The following RBFOX1 variants were observed in gnomAD, a reference collection of about 807,000 sequenced individuals.
The protein encoded by RBFOX1 is RNA binding fox-1 homolog 1.
Under a neutral mutation model 57.7 loss-of-function variants are expected in RBFOX1, and 8 were observed. That is an observed-to-expected ratio of 0.14 (90% CI 0.08 to 0.25). The LOEUF (loss-of-function observed/expected upper bound fraction) is 0.25, where lower values mean the gene tolerates loss of function less well. Ranked by LOEUF, RBFOX1 falls within the 10% of genes least tolerant of loss-of-function variation. RBFOX1 has a pLI of 1.00. For synonymous variants in RBFOX1, 326 were observed against 222.4 expected (o/e 1.47, Z -4.15); for missense variants, 611 against 548.5 (o/e 1.11, Z -1.14).
chr16:5,810,395 A>G (rs570651735), intron 3 of RBFOX1, among the ~76,000 whole-genome samples: 4 of 152,296 alleles, frequency 2.6e-5, no homozygotes, highest in African/African-American at 9.6e-5. Flanking sequence ...GAATAAACCA[A>G]TCTTGCTGAC....
At chr16:6,211,927 G>A (rs1405368890) in intron 1 of RBFOX1, among the ~76,000 whole-genome samples, 1 of 151,842 alleles carries the variant, frequency 6.6e-6, no homozygotes, top group African/African-American at 2.4e-5. Flanking sequence ...TCAGCTCACT[G>A]CAACCTCTGC....
At chr16:7,026,563 C>A (rs2041010524) in intron 3 of RBFOX1, among the ~76,000 whole-genome samples, 1 of 152,102 alleles carries the variant, frequency 6.6e-6, no homozygotes, top group Non-Finnish European at 1.5e-5. Flanking sequence ...TACGGCTTCT[C>A]CCCGTCCCCT....
intron 3 of RBFOX1, among the ~76,000 whole-genome samples, chr16:6,795,810 C>G (rs1294599213): frequency 1.3e-5 from 2 of 151,222 alleles, no homozygotes; most frequent in Non-Finnish European, 2.9e-5. Flanking sequence ...TCGTTGCTTT[C>G]TTTTATTTTC....
intron 2 of RBFOX1, among the ~76,000 whole-genome samples, chr16:6,649,475 G>A (rs1447350138): frequency 6.6e-6 from 1 of 152,136 alleles, no homozygotes; most frequent in South Asian, 2.1e-4. Flanking sequence ...CCCAAGCAGT[G>A]TACACCGTAC....
intron 1 of RBFOX1, among the ~76,000 whole-genome samples, chr16:6,068,987 A>G (rs1567377189): frequency 2.0e-5 from 3 of 152,060 alleles, no homozygotes; most frequent in African/African-American, 7.2e-5. Context: ...CCTGCTACAA[A>G]GTAGGCGTTT....
chr16:6,887,994 C>A (rs1047730904), intron 3 of RBFOX1, among the ~76,000 whole-genome samples: 3 of 151,984 alleles, frequency 2.0e-5, no homozygotes, highest in African/African-American at 7.3e-5. Context: ...GCATCTTATT[C>A]TGTTTGGGGT....
At chr16:7,035,324 T>C (rs1355617478) in intron 3 of RBFOX1, among the ~76,000 whole-genome samples, 1 of 152,094 alleles carries the variant, frequency 6.6e-6, no homozygotes, top group African/African-American at 2.4e-5. Flanking sequence ...TGCTGGCCCA[T>C]TTATCCTAGT....
chr16:7,573,158 G>A (rs1567898936), intron 5 of RBFOX1, among the ~76,000 whole-genome samples: 1 of 152,142 alleles, frequency 6.6e-6, no homozygotes, highest in African/African-American at 2.4e-5. Context: ...GATTGTATCG[G>A]CAAGAGGGCA....
At chr16:5,953,823 A>T (rs1055865033) in intron 4 of RBFOX1, among the ~76,000 whole-genome samples, 1 of 151,964 alleles carries the variant, frequency 6.6e-6, no homozygotes, top group East Asian at 1.9e-4. Flanking sequence ...CTGCGTGTGC[A>T]AGTATTTTTT....
intron 2 of RBFOX1, among the ~76,000 whole-genome samples, chr16:6,354,917 C>T (rs181938060): frequency 1.2e-4 from 19 of 152,214 alleles, no homozygotes; most frequent in African/African-American, 4.1e-4. Context: ...TACCAGTGTT[C>T]ACATAAGGAG....
chr16:5,265,313 C>T (rs746388863), intron 1 of RBFOX1, among the ~76,000 whole-genome samples: 2 of 149,202 alleles, frequency 1.3e-5, no homozygotes, highest in African/African-American at 2.5e-5. Flanking sequence ...AGCCATGAAC[C>T]ACCCTAACTC....
chr16:6,083,423 T>A (rs1310869141), intron 1 of RBFOX1, among the ~76,000 whole-genome samples: 2 of 152,188 alleles, frequency 1.3e-5, no homozygotes, highest in Non-Finnish European at 2.9e-5. Flanking sequence ...TGAAGTTTAT[T>A]TCTTTCAACT....
At chr16:6,968,720 C>G (rs2084848086) in intron 3 of RBFOX1, among the ~76,000 whole-genome samples, 1 of 152,140 alleles carries the variant, frequency 6.6e-6, no homozygotes, top group Non-Finnish European at 1.5e-5. Flanking sequence ...GTTCTCATGG[C>G]AGCTGGCCTC....
At chr16:6,199,558 A>G (rs929798542) in intron 1 of RBFOX1, among the ~76,000 whole-genome samples, 2 of 152,216 alleles carry the variant, frequency 1.3e-5, no homozygotes, top group African/African-American at 4.8e-5. Context: ...GTGCTTTTCT[A>G]GCACATTGGA....
In RBFOX1 at chr16:7,712,704, T is replaced by C. The variant is rs949855979; in HGVS notation, c.*1959T>C. The C allele has an allele frequency of 2.0e-4, 31 of 152,208 alleles. No individual in the cohort carries two copies. Among genetic ancestry groups the C allele is most frequent in the African/African-American group, 7.5e-4 (31 of 41,458 alleles). The allele number at this position is 152,208 out of a possible 1,614,324, so 9.4% of individuals were successfully genotyped here. ...TTCCCCCACCTGGAAAACAGTGTTA[T>C]GGCAATGGGTGCCTGGTTGATGTTC... On this transcript the variant is annotated 3_prime_UTR_variant, in exon 16 of 16. Transcript: ENST00000550418.
At chr16:5,812,007 C>T (rs2055449938) in intron 3 of RBFOX1, among the ~76,000 whole-genome samples, 1 of 152,168 alleles carries the variant, frequency 6.6e-6, no homozygotes, top group African/African-American at 2.4e-5. Flanking sequence ...GGAATTTGCC[C>T]TTTCTGGACG....
At chr16:6,365,839 AAGATATCT>A (rs2089504684) in intron 2 of RBFOX1, among the ~76,000 whole-genome samples, 1 of 152,208 alleles carries the variant, frequency 6.6e-6, no homozygotes, top group South Asian at 2.1e-4. Context: ...AGAGAATTAA[AAGATATCT>A]AGATCTAGGC....
chr16:6,324,014 C>G (rs2082095334), intron 2 of RBFOX1, among the ~76,000 whole-genome samples: 1 of 152,202 alleles, frequency 6.6e-6, no homozygotes, highest in Non-Finnish European at 1.5e-5. Context: ...CTCAAGTGGT[C>G]TGCCCGCCTC....
intron 14 of RBFOX1, among the ~76,000 whole-genome samples, chr16:7,701,789 G>GA (rs2080821807): frequency 1.3e-5 from 2 of 152,202 alleles, no homozygotes; most frequent in Non-Finnish European, 2.9e-5. Flanking sequence ...CAACAGATCT[G>GA]AAGTCCAGAA....
Sources: gnomAD v4.1 joint callset for allele counts (sites outside exome capture counted in the v4.1 genomes callset) on GRCh38, gnomAD v4.1.1 for gene constraint, MANE v1.5 for transcripts, NCBI Gene and HGNC (gene_info 2026-07-23, HGNC 2026-07-21) for gene names.